Variants in GARIN1A observed in about 807,000 individuals in gnomAD.
GARIN1A encodes golgi associated RAB2 interactor 1A.
the GARIN1A span, among the ~76,000 whole-genome samples, chr7:128,707,415 C>T: frequency 2.6e-5 from 4 of 151,962 alleles, no homozygotes. Context: ...TCTTCACCTC[C>T]CTACCCAGCC....
the GARIN1A span, chr7:128,683,299 T>G: frequency 1.6e-6 from 1 of 636,876 alleles, no homozygotes; most frequent in Admixed American, 3.3e-5. Context: ...CTTCCACCAA[T>G]AAACTTCCAA....
At chr7:128,678,008 A>C in the GARIN1A span, 2 of 308,744 alleles carry the variant, frequency 6.5e-6, no homozygotes, top group African/African-American at 2.4e-5. Flanking sequence ...GACATTTAGA[A>C]ATGTTTCTTT....
the GARIN1A span, among the ~76,000 whole-genome samples, chr7:128,682,202 T>G: frequency 2.0e-5 from 3 of 152,134 alleles, no homozygotes; most frequent in Non-Finnish European, 4.4e-5. Flanking sequence ...AGCCAGCAAC[T>G]CTTTACAAAG....
the GARIN1A span, among the ~76,000 whole-genome samples, chr7:128,692,977 T>C: frequency 6.6e-6 from 1 of 152,346 alleles, no homozygotes; most frequent in East Asian, 1.9e-4. Context: ...TTTAGAGTTA[T>C]TAAGGCTGAG....
chr7:128,694,483 G>A, the GARIN1A span, among the ~76,000 whole-genome samples: 19 of 151,706 alleles, frequency 1.3e-4, no homozygotes, highest in Admixed American at 2.6e-4. Context: ...GCAGTGAGTC[G>A]AGATTGTGCC....
the GARIN1A span, among the ~76,000 whole-genome samples, chr7:128,688,770 TCCCCTCCCCCTC>T: frequency 3.4e-3 from 24 of 7,000 alleles, 1 homozygote; most frequent in African/African-American, 0.015. Flanking sequence ...CCCCTCCCCC[TCCCCTCCCCCTC>T]CCCCTCCCCC....
chr7:128,687,513 A>G, the GARIN1A span: 1 of 152,258 alleles, frequency 6.6e-6, no homozygotes, highest in African/African-American at 2.4e-5. Context: ...GGTTTCCCCA[A>G]AGGAAATTGA....
chr7:128,687,905 A>G, the GARIN1A span: 2 of 152,120 alleles, frequency 1.3e-5, no homozygotes, highest in African/African-American at 4.8e-5. Context: ...CACCTATGTG[A>G]TCATGGTAAA....
At chr7:128,681,337 T>A in the GARIN1A span, among the ~76,000 whole-genome samples, 1 of 152,198 alleles carries the variant, frequency 6.6e-6, no homozygotes, top group East Asian at 1.9e-4. Context: ...CTTCTCTTTC[T>A]GTTTCCTAAT....
At chr7:128,673,317 G>A in the GARIN1A span, among the ~76,000 whole-genome samples, 1 of 151,502 alleles carries the variant, frequency 6.6e-6, no homozygotes, top group African/African-American at 2.4e-5. Context: ...AGAGAGCTTG[G>A]GCCAGCTGAT....
the GARIN1A span, among the ~76,000 whole-genome samples, chr7:128,701,041 A>G: frequency 6.6e-6 from 1 of 151,970 alleles, no homozygotes; most frequent in Non-Finnish European, 1.5e-5. Context: ...TGAGCCCTCC[A>G]TCTAGACGGG....
At chr7:128,697,174 T>C in the GARIN1A span, among the ~76,000 whole-genome samples, 1 of 152,130 alleles carries the variant, frequency 6.6e-6, no homozygotes, top group Non-Finnish European at 1.5e-5. Flanking sequence ...TGAGTGGGGC[T>C]TGGAGGGAAG....
chr7:128,672,296 A>C, the GARIN1A span: 1 of 975,512 alleles, frequency 1.0e-6, no homozygotes, highest in Non-Finnish European at 1.5e-6. Context: ...ATGGGGAGGA[A>C]ATGCTGGGGA....
At chr7:128,705,768 G>T in the GARIN1A span, among the ~76,000 whole-genome samples, 1 of 144,576 alleles carries the variant, frequency 6.9e-6, no homozygotes, top group East Asian at 2.1e-4. Context: ...GGGCTCAGGT[G>T]ATCCTCCCAC....
the GARIN1A span, chr7:128,675,976 A>G: frequency 3.0e-6 from 2 of 666,378 alleles, no homozygotes; most frequent in Non-Finnish European, 5.1e-6. Flanking sequence ...TAAACCCTGT[A>G]GAACTCATTC....
the GARIN1A span, chr7:128,677,492 G>C: frequency 1.6e-6 from 2 of 1,243,460 alleles, no homozygotes; most frequent in African/African-American, 4.2e-5. Flanking sequence ...CGGCGGCAGC[G>C]AGACTCCGTC....
chr7:128,694,016 G>C, the GARIN1A span: 1 of 152,232 alleles, frequency 6.6e-6, no homozygotes, highest in South Asian at 2.1e-4. Context: ...CCCCACAAGA[G>C]TGTCAGCAGG....
the GARIN1A span, among the ~76,000 whole-genome samples, chr7:128,699,273 C>CG: frequency 3.0e-5 from 3 of 101,306 alleles, no homozygotes; most frequent in Non-Finnish European, 4.3e-5. Context: ...CCCCCCCCCC[C>CG]ACCACCAAAA....
the GARIN1A span, among the ~76,000 whole-genome samples, chr7:128,700,125 C>T: frequency 6.6e-6 from 1 of 151,918 alleles, no homozygotes; most frequent in Non-Finnish European, 1.5e-5. Context: ...TGGGGTCTCT[C>T]CTGTCACCCA....
Sources: allele counts gnomAD v4.1 joint callset (sites outside exome capture counted in the v4.1 genomes callset), GRCh38; gene constraint gnomAD v4.1.1; transcripts MANE v1.5; gene names NCBI Gene and HGNC (gene_info 2026-07-23, HGNC 2026-07-21).